The following NAALADL2 variants were observed in gnomAD, a reference collection of about 807,000 sequenced individuals.
NAALADL2 encodes N-acetylated alpha-linked acidic dipeptidase like 2, also known as inactive N-acetylated-alpha-linked acidic dipeptidase-like protein 2.
A neutral mutation model predicts 87.2 loss-of-function variants in NAALADL2; 76 were observed. That is an observed-to-expected ratio of 0.87 (90% CI 0.72 to 1.05). The LOEUF is 1.05. Ranked by LOEUF, NAALADL2 falls within the 50% of genes least tolerant of loss-of-function variation. The pLI, the probability that NAALADL2 is intolerant of heterozygous loss-of-function variation, is 0.00. For synonymous variants in NAALADL2, 354 were observed against 331.0 expected, an observed-to-expected ratio of 1.07 and a Z score of -0.75; for missense variants, 1,089 against 945.8, an observed-to-expected ratio of 1.15 and a Z score of -1.99.
At chr3:175,726,262 CAAAAA>C (rs58311186) in intron 11 of NAALADL2, among the ~76,000 whole-genome samples, 1 of 131,340 alleles carries the variant, frequency 7.6e-6, no homozygotes, top group African/African-American at 2.7e-5. Context: ...TACATTTGAC[CAAAAA>C]AAAAAAAAAA....
chr3:175,140,464 A>C (rs146720450), intron 2 of NAALADL2, among the ~76,000 whole-genome samples: 145 of 152,290 alleles, frequency 9.5e-4, no homozygotes, highest in Middle Eastern at 3.4e-3. Context: ...AGATGCACAT[A>C]AAAGGGACAC....
intron 9 of NAALADL2, among the ~76,000 whole-genome samples, chr3:175,569,664 G>A (rs1390927683): frequency 1.3e-5 from 2 of 151,948 alleles, no homozygotes; most frequent in African/African-American, 4.8e-5. Flanking sequence ...AGGATACCAC[G>A]GGAAAACTGG....
At chr3:175,386,009 G>T (rs1232543749) in intron 5 of NAALADL2, among the ~76,000 whole-genome samples, 1 of 152,124 alleles carries the variant, frequency 6.6e-6, no homozygotes, top group African/African-American at 2.4e-5. Context: ...CTGTGATGAA[G>T]TCTGTGTGAG....
chr3:175,742,474 T>C (rs1003889258), intron 12 of NAALADL2, among the ~76,000 whole-genome samples: 1 of 122,952 alleles, frequency 8.1e-6, no homozygotes, highest in Admixed American at 7.9e-5. Context: ...CTTGGCTCAC[T>C]GCAAGCTCCG....
At chr3:175,618,513 A>AT (rs1408970185) in intron 10 of NAALADL2, among the ~76,000 whole-genome samples, 3 of 152,062 alleles carry the variant, frequency 2.0e-5, no homozygotes, top group Admixed American at 2.0e-4. Context: ...AATATAAAGC[A>AT]TTTTTTTCCT....
In NAALADL2 at chr3:175,447,389, C is replaced by A; in HGVS notation, c.1234+17C>A. On this transcript the variant is annotated intron_variant, in intron 6 of 13. Transcript: ENST00000454872. ...CAAATAATGGTAAAGTATTTAATGT[C>A]GTTCTCTGTATTTTACAGTTTTTTT... 2 of 1,518,298 alleles carry A rather than the reference C, an allele frequency of 1.3e-6. No homozygotes were observed. The highest frequency in any genetic ancestry group is 1.8e-6 in the Non-Finnish European group (2 of 1,131,380). The allele number at this position is 1,518,298 out of a possible 1,614,324, so 94.1% of individuals were successfully genotyped here. A position where few individuals can be genotyped will look rare whatever the true frequency, so the allele number is the denominator to read the frequency against.
intron 9 of NAALADL2, among the ~76,000 whole-genome samples, chr3:175,535,328 T>C (rs1734667033): frequency 6.6e-6 from 1 of 152,220 alleles, no homozygotes; most frequent in Non-Finnish European, 1.5e-5. Context: ...TCCCAGAACT[T>C]GAAAATTATC....
chr3:175,168,407 T>C (rs1324198779), intron 2 of NAALADL2, among the ~76,000 whole-genome samples: 1 of 151,812 alleles, frequency 6.6e-6, no homozygotes, highest in Non-Finnish European at 1.5e-5. Context: ...TTCTGGCATG[T>C]TAGCATGAGA....
chr3:174,584,751 A>G (rs1341753993), intron 2 of NAALADL2, among the ~76,000 whole-genome samples: 2 of 152,068 alleles, frequency 1.3e-5, no homozygotes, highest in African/African-American at 2.4e-5. Flanking sequence ...GTGAATTTTT[A>G]CTAAATCCTG....
chr3:174,918,965 A>T (rs1734778070), intron 1 of NAALADL2, among the ~76,000 whole-genome samples: 1 of 152,074 alleles, frequency 6.6e-6, no homozygotes, highest in Admixed American at 6.6e-5. Flanking sequence ...AAGTCATGAA[A>T]TTTTTGGTTT....
intron 9 of NAALADL2, among the ~76,000 whole-genome samples, chr3:175,520,994 G>C (rs534406232): frequency 6.6e-6 from 1 of 152,232 alleles, no homozygotes; most frequent in Admixed American, 6.5e-5. Context: ...ATGATTGTCT[G>C]TCATATAAAA....
chr3:175,295,268 GT>G (rs1756171436), intron 4 of NAALADL2, among the ~76,000 whole-genome samples: 1 of 152,142 alleles, frequency 6.6e-6, no homozygotes, highest in Admixed American at 6.5e-5. Context: ...TTATACCAAA[GT>G]TGGCCAAGTG....
chr3:174,575,103 A>C (rs910924134), intron 2 of NAALADL2, among the ~76,000 whole-genome samples: 2 of 152,090 alleles, frequency 1.3e-5, no homozygotes, highest in Non-Finnish European at 2.9e-5. Flanking sequence ...GTTTTAACAA[A>C]GTGATTGTAC....
chr3:175,424,861 C>T (rs1010221831), intron 5 of NAALADL2, among the ~76,000 whole-genome samples: 1 of 152,128 alleles, frequency 6.6e-6, no homozygotes, highest in Non-Finnish European at 1.5e-5. Context: ...ACACCATATT[C>T]CTTCACTTAT....
At chr3:175,462,133 C>T (rs1723235290) in intron 6 of NAALADL2, among the ~76,000 whole-genome samples, 1 of 152,088 alleles carries the variant, frequency 6.6e-6, no homozygotes. Context: ...ATCAGGGTAA[C>T]AAATGTTCCA....
At chr3:175,568,403 G>T (rs1356847380) in intron 9 of NAALADL2, among the ~76,000 whole-genome samples, 1 of 152,062 alleles carries the variant, frequency 6.6e-6, no homozygotes, top group Non-Finnish European at 1.5e-5. Flanking sequence ...AACTAGATCT[G>T]GTGATGCAAT....
intron 1 of NAALADL2, among the ~76,000 whole-genome samples, chr3:174,970,705 G>A (rs1743507203): frequency 6.6e-6 from 1 of 152,060 alleles, no homozygotes. Context: ...ATTTTCCGTT[G>A]CTAATGGTTC....
chr3:175,112,116 A>G (rs948332518), intron 2 of NAALADL2, among the ~76,000 whole-genome samples: 2 of 151,666 alleles, frequency 1.3e-5, no homozygotes, highest in African/African-American at 4.8e-5. Flanking sequence ...CCTGCTATTT[A>G]TGATTACATT....
At chr3:174,590,442 T>C (rs886988635) in intron 2 of NAALADL2, among the ~76,000 whole-genome samples, 1 of 152,160 alleles carries the variant, frequency 6.6e-6, no homozygotes, top group Non-Finnish European at 1.5e-5. Context: ...TGAATCCAAG[T>C]ATAAATATAA....
Sources: gnomAD v4.1 joint callset for allele counts (sites outside exome capture counted in the v4.1 genomes callset) on GRCh38, gnomAD v4.1.1 for gene constraint, MANE v1.5 for transcripts, NCBI Gene and HGNC (gene_info 2026-07-23, HGNC 2026-07-21) for gene names.